SLC2A9: variants seen among roughly 807,000 people sequenced by gnomAD.
SLC2A9 encodes solute carrier family 2 member 9.
SLC2A9 carries 39 observed loss-of-function variants against 50.6 expected under a neutral mutation model. That is an observed-to-expected ratio of 0.77 (90% CI 0.60 to 1.01). The LOEUF (loss-of-function observed/expected upper bound fraction) is 1.01. Among genes scored for constraint, SLC2A9 ranks in the 50% least tolerant of loss-of-function variants. SLC2A9 has a pLI of 0.00. For missense variants in SLC2A9, 686 were observed against 677.6 expected (o/e 1.01, Z -0.14); for synonymous variants, 324 against 276.9 (o/e 1.17, Z -1.69).
chr4:9,850,511 G>A (rs953262988), intron 10 of SLC2A9, among the ~76,000 whole-genome samples: 3 of 152,100 alleles, frequency 2.0e-5, no homozygotes, highest in Admixed American at 2.0e-4. Context: ...TGGGGCCCCA[G>A]CCTGGTTGTG....
intron 7 of SLC2A9, among the ~76,000 whole-genome samples, chr4:9,913,881 TG>T (rs1560293369): frequency 2.0e-5 from 3 of 152,242 alleles, no homozygotes; most frequent in African/African-American, 7.2e-5. Flanking sequence ...CATCCCCATC[TG>T]GTTCTTGTGC....
intron 2 of SLC2A9, among the ~76,000 whole-genome samples, chr4:10,010,996 C>A (rs115980378): frequency 2.6e-5 from 4 of 152,132 alleles, no homozygotes; most frequent in Non-Finnish European, 5.9e-5. Context: ...ATAGGAAGTG[C>A]GTGAGTCCCA....
At chr4:9,903,633 G>A (rs1740073378) in intron 8 of SLC2A9, among the ~76,000 whole-genome samples, 1 of 151,910 alleles carries the variant, frequency 6.6e-6, no homozygotes, top group Admixed American at 6.6e-5. Context: ...TTAGCCTCCT[G>A]AGCCATTTTA....
intron 9 of SLC2A9, among the ~76,000 whole-genome samples, chr4:9,888,455 G>C (rs1037483677): frequency 6.6e-6 from 1 of 151,952 alleles, no homozygotes; most frequent in African/African-American, 2.4e-5. Flanking sequence ...GTCTGGAGAA[G>C]CTGTCACTCA....
At chr4:9,900,808 T>C (rs1739460720) in intron 8 of SLC2A9, among the ~76,000 whole-genome samples, 1 of 152,090 alleles carries the variant, frequency 6.6e-6, no homozygotes, top group Non-Finnish European at 1.5e-5. Context: ...GAGTGTCCAG[T>C]GAAGGGGGAA....
At chr4:9,863,406 C>A (rs893533509) in intron 10 of SLC2A9, among the ~76,000 whole-genome samples, 1 of 151,962 alleles carries the variant, frequency 6.6e-6, no homozygotes, top group Admixed American at 6.5e-5. Context: ...TTCAGCCTCC[C>A]AAAGTATCGG....
chr4:9,876,392 A>G (rs970605740), intron 10 of SLC2A9, among the ~76,000 whole-genome samples: 1 of 152,210 alleles, frequency 6.6e-6, no homozygotes, highest in African/African-American at 2.4e-5. Flanking sequence ...CAGGAGTTCC[A>G]GACCAGGTTG....
chr4:9,793,444 A>C (rs761326274), intron 3 of SLC2A9, among the ~76,000 whole-genome samples: 55 of 152,366 alleles, frequency 3.6e-4, no homozygotes, highest in Middle Eastern at 6.8e-3. Context: ...CATTAGGAGC[A>C]CAAACAAGTT....
intron 1 of SLC2A9, among the ~76,000 whole-genome samples, chr4:10,020,624 T>C (rs192444144): frequency 6.6e-6 from 1 of 152,336 alleles, no homozygotes; most frequent in East Asian, 1.9e-4. Context: ...ACTCTTTCTC[T>C]TTAAACCTAT....
chr4:9,984,697 T>C (rs1171981687), intron 4 of SLC2A9, among the ~76,000 whole-genome samples: 2 of 152,160 alleles, frequency 1.3e-5, no homozygotes, highest in East Asian at 3.9e-4. Context: ...AGTCTCCTAC[T>C]CTCACTCCCA....
intron 10 of SLC2A9, among the ~76,000 whole-genome samples, chr4:9,886,539 C>A (rs1736302341): frequency 6.6e-6 from 1 of 151,626 alleles, no homozygotes; most frequent in Admixed American, 6.6e-5. Context: ...TGCCACCTTG[C>A]CATCTTATTA....
upstream of SLC2A9, chr4:10,026,019 A>G (rs6449237): frequency 0.27 from 423,285 of 1,587,528 alleles, 62,084 homozygotes; most frequent in African/African-American, 0.51. Flanking sequence ...GAGAAAGAGA[A>G]AAAGAAAGAA....
intron 9 of SLC2A9, among the ~76,000 whole-genome samples, chr4:9,888,257 T>TA (rs1736670410): frequency 7.6e-6 from 1 of 131,820 alleles, no homozygotes; most frequent in South Asian, 2.3e-4. Context: ...TCCCAGAACT[T>TA]AAAGTATATA....
intron 1 of SLC2A9, among the ~76,000 whole-genome samples, chr4:10,038,842 CTG>C (rs757929136): frequency 1.5e-4 from 23 of 152,180 alleles, no homozygotes; most frequent in Non-Finnish European, 2.9e-4. Flanking sequence ...CCCTCAGTCA[CTG>C]TCAAACACTC....
chr4:9,774,400 G>C (rs552134974), intron 1 of SLC2A9, among the ~76,000 whole-genome samples: 1 of 152,204 alleles, frequency 6.6e-6, no homozygotes, highest in Admixed American at 6.5e-5. Flanking sequence ...CTTTGCCCGT[G>C]ATGTTCCCTC....
chr4:9,879,401 T>TG, intron 10 of SLC2A9: 2 of 985,040 alleles, frequency 2.0e-6, no homozygotes, highest in Non-Finnish European at 1.2e-6. Context: ...TGTGTGTGTG[T>TG]TTGTGCGTGT....
chr4:10,015,072 G>A (rs1159745515), intron 2 of SLC2A9, among the ~76,000 whole-genome samples: 1 of 152,200 alleles, frequency 6.6e-6, no homozygotes, highest in Non-Finnish European at 1.5e-5. Flanking sequence ...ACAGGATTCA[G>A]ACAATCACAG....
At chr4:9,952,170 C>T (rs1405280466) in intron 5 of SLC2A9, among the ~76,000 whole-genome samples, 1 of 152,238 alleles carries the variant, frequency 6.6e-6, no homozygotes, top group Non-Finnish European at 1.5e-5. Context: ...GAGGACCTCA[C>T]ATGCAGTAGG....
upstream of SLC2A9, among the ~76,000 whole-genome samples, chr4:10,022,761 G>A (rs549515718): frequency 6.6e-6 from 1 of 152,314 alleles, no homozygotes; most frequent in East Asian, 1.9e-4. Context: ...CCAGGAACCT[G>A]GAATGTGAAA....
Sources: allele counts gnomAD v4.1 joint callset (sites outside exome capture counted in the v4.1 genomes callset), GRCh38; gene constraint gnomAD v4.1.1; transcripts MANE v1.5; gene names NCBI Gene and HGNC (gene_info 2026-07-23, HGNC 2026-07-21).